Variants in GALNT18 observed in about 807,000 individuals in gnomAD.
GALNT18 encodes polypeptide N-acetylgalactosaminyltransferase 18.
Under a neutral mutation model 69.5 loss-of-function variants are expected in GALNT18, and 44 were observed. That is an observed-to-expected ratio of 0.63 (90% CI 0.50 to 0.81). The LOEUF (loss-of-function observed/expected upper bound fraction) is 0.81. Ranked by LOEUF, GALNT18 falls within the 40% of genes least tolerant of loss-of-function variation. The pLI is 0.00. For synonymous variants in GALNT18, 364 were observed against 318.2 expected, an observed-to-expected ratio of 1.14 and a Z score of -1.53; for missense variants, 715 against 810.0, an observed-to-expected ratio of 0.88 and a Z score of 1.42.
chr11:11,374,342 A>G (rs1411077960), intron 5 of GALNT18, among the ~76,000 whole-genome samples: 12 of 152,200 alleles, frequency 7.9e-5, no homozygotes, highest in Admixed American at 7.9e-4. Flanking sequence ...AAATTAAAGC[A>G]CTTGAGAGCC....
rs551823408 is a variant in GALNT18, at chr11:11,571,574, G to A, written c.235+49785C>T. Among the ~76,000 whole-genome samples, 46 of 152,316 alleles carry A rather than the reference G, an allele frequency of 3.0e-4. 1 individual carries two copies. The highest frequency in any genetic ancestry group is 2.3e-3 in the South Asian group (11 of 4,828). On this transcript the variant is annotated intron_variant, in intron 1 of 10. Transcript: ENST00000227756. ...CTCTTCCTGGGCAGTGAGGCCCACTGTGCAGATCAACCGCATGTCCAGGAG... is the reference window on the plus strand; with the variant it reads ...CTCTTCCTGGGCAGTGAGGCCCACTATGCAGATCAACCGCATGTCCAGGAG...
At chr11:11,452,149 C>T (rs147587840) in intron 1 of GALNT18, among the ~76,000 whole-genome samples, 1 of 152,334 alleles carries the variant, frequency 6.6e-6, no homozygotes, top group East Asian at 1.9e-4. Context: ...GTTGACTCTC[C>T]TGAGGTAAGG....
chr11:11,361,360 G>A (rs1335528298), intron 6 of GALNT18, among the ~76,000 whole-genome samples: 1 of 152,128 alleles, frequency 6.6e-6, no homozygotes, highest in African/African-American at 2.4e-5. Flanking sequence ...CTGTGCTTCA[G>A]TATATCCATC....
At chr11:11,503,911 C>T (rs1486625878) in intron 1 of GALNT18, among the ~76,000 whole-genome samples, 1 of 152,198 alleles carries the variant, frequency 6.6e-6, no homozygotes, top group Admixed American at 6.5e-5. Flanking sequence ...CCTTGTTCTC[C>T]CTTCCACCAC....
intron 7 of GALNT18, among the ~76,000 whole-genome samples, chr11:11,334,799 G>A (rs2133051372): frequency 6.6e-6 from 1 of 152,238 alleles, no homozygotes; most frequent in Non-Finnish European, 1.5e-5. Flanking sequence ...GCTCCTTAAG[G>A]TCAGGAAACT....
At chr11:11,276,846 G>A (rs12787493) in intron 10 of GALNT18, among the ~76,000 whole-genome samples, 5 of 151,812 alleles carry the variant, frequency 3.3e-5, no homozygotes, top group African/African-American at 1.2e-4. Context: ...CAGCCTCGCA[G>A]CCCAGGGATG....
chr11:11,486,566 C>A (rs1024570625), intron 1 of GALNT18, among the ~76,000 whole-genome samples: 2 of 152,244 alleles, frequency 1.3e-5, no homozygotes, highest in African/African-American at 4.8e-5. Context: ...CTGGAAAGTG[C>A]TGATTACTTA....
chr11:11,505,087 T>G lies in GALNT18; in HGVS notation c.236-56151A>C, dbSNP rs1031364325. 4.6e-5 allele frequency among the ~76,000 whole-genome samples: 7 copies of G among 152,072 alleles called. No individual in the cohort carries two copies. Among genetic ancestry groups the G allele is most frequent in the African/African-American group, 1.7e-4 (7 of 41,398 alleles). ...GGGAACATAGGAAAAGGAGCAAAGT[T>G]TAAAGAAAATGCCACCTTGAGGGGA... On this transcript the variant is annotated intron_variant, in intron 1 of 10. Transcript: ENST00000227756. This position sits in a 1 kb window ranked among gnomAD's most constrained non-coding sequence, Gnocchi z 4.6.
chr11:11,610,256 G>C (rs145564729), intron 1 of GALNT18, among the ~76,000 whole-genome samples: 1 of 152,182 alleles, frequency 6.6e-6, no homozygotes, highest in Non-Finnish European at 1.5e-5. Context: ...AAAAACAAGA[G>C]GGCCCTTAGC....
chr11:11,330,819 C>G (rs942149599), intron 8 of GALNT18, among the ~76,000 whole-genome samples: 2 of 152,180 alleles, frequency 1.3e-5, no homozygotes, highest in Non-Finnish European at 2.9e-5. Context: ...TTGGCCAAGA[C>G]CCAGAATTGC....
chr11:11,273,599 G>T (rs972039586), intron 10 of GALNT18, among the ~76,000 whole-genome samples: 1 of 152,168 alleles, frequency 6.6e-6, no homozygotes, highest in Non-Finnish European at 1.5e-5. Context: ...TGGTGGGAAT[G>T]AAAATTATTA....
chr11:11,601,915 T>C lies in GALNT18; in HGVS notation c.235+19444A>G, dbSNP rs1859643814. ...AGAACCTATCAACAGCATTACTGTG[T>C]TGATAGGAGAACTTACTGTGCTAGG... On this transcript the variant is annotated intron_variant, in intron 1 of 10. Transcript: ENST00000227756. The surrounding 1 kb of genome is among the most constrained non-coding windows in gnomAD (Gnocchi z 4.0). Among the ~76,000 whole-genome samples the C allele has an allele frequency of 6.6e-6, 1 of 152,208 alleles. No individual in the cohort carries two copies. The highest frequency in any genetic ancestry group is 2.4e-5 in the African/African-American group (1 of 41,462).
At chr11:11,416,851 C>G (rs1458635577) in intron 3 of GALNT18, among the ~76,000 whole-genome samples, 2 of 152,168 alleles carry the variant, frequency 1.3e-5, no homozygotes, top group Non-Finnish European at 2.9e-5. Flanking sequence ...TGATAGCAGC[C>G]CAAACCCTGA....
At chr11:11,323,799 A>G (rs1251955445) in intron 9 of GALNT18, among the ~76,000 whole-genome samples, 1 of 151,938 alleles carries the variant, frequency 6.6e-6, no homozygotes, top group Non-Finnish European at 1.5e-5. Flanking sequence ...GTGTAATTTC[A>G]TCTGTATTCC....
intron 1 of GALNT18, among the ~76,000 whole-genome samples, chr11:11,559,200 T>A (rs1357333856): frequency 2.0e-5 from 3 of 152,194 alleles, no homozygotes; most frequent in African/African-American, 7.2e-5. Flanking sequence ...CAAACTACTA[T>A]CCACTCTTTG....
chr11:11,621,956 G>A lies in GALNT18; in HGVS notation c.-363C>T, dbSNP rs577183525. The A allele has an allele frequency of 1.8e-3, 313 of 175,954 alleles. 3 individuals are homozygous for A. The highest frequency in any genetic ancestry group is 2.7e-3 in the Non-Finnish European group (229 of 84,134). The allele number at this position is 175,954 out of a possible 1,614,324, so 10.9% of individuals were successfully genotyped here. A position where few individuals can be genotyped will look rare whatever the true frequency, so the allele number is the denominator to read the frequency against. On this transcript the variant is annotated 5_prime_UTR_variant, in exon 1 of 11. Transcript: ENST00000227756. The surrounding 1 kb of genome is among the most constrained non-coding windows in gnomAD (Gnocchi z 9.3). ...GCGGCCACGCCGCTTCCCATCGCCAGCGCCGGCTGCCTTGGCGGTCCGACC... is the reference window on the plus strand; with the variant it reads ...GCGGCCACGCCGCTTCCCATCGCCAACGCCGGCTGCCTTGGCGGTCCGACC...
chr11:11,452,573 G>A (rs141354028), intron 1 of GALNT18, among the ~76,000 whole-genome samples: 5 of 152,310 alleles, frequency 3.3e-5, no homozygotes, highest in Admixed American at 2.6e-4. Flanking sequence ...TAGACAAGTG[G>A]TCTATGCTTA....
chr11:11,417,603 A>T (rs1854895911), intron 3 of GALNT18, among the ~76,000 whole-genome samples: 1 of 152,218 alleles, frequency 6.6e-6, no homozygotes, highest in Admixed American at 6.5e-5. Flanking sequence ...GGCTGGAGAC[A>T]GTGCTGGCTG....
chr11:11,509,809 C>T (rs949343194), intron 1 of GALNT18, among the ~76,000 whole-genome samples: 4 of 152,262 alleles, frequency 2.6e-5, no homozygotes, highest in African/African-American at 9.6e-5. Flanking sequence ...GTGATTAACA[C>T]ATGCGCTACT....
Sources: gnomAD v4.1 joint callset for allele counts (sites outside exome capture counted in the v4.1 genomes callset) on GRCh38, gnomAD v4.1.1 for gene constraint, Gnocchi (gnomAD v3.1) non-coding constraint, MANE v1.5 for transcripts, NCBI Gene and HGNC (gene_info 2026-07-23, HGNC 2026-07-21) for gene names.